Variants in DCDC2 observed in about 807,000 individuals in gnomAD.
The protein encoded by DCDC2 is doublecortin domain-containing protein 2.
A neutral mutation model predicts 50.2 loss-of-function variants in DCDC2; 40 were observed. The ratio of observed to expected loss-of-function variants is 0.80; its 90% CI spans 0.62 to 1.04. DCDC2 has a LOEUF of 1.04. Among genes scored for constraint, DCDC2 ranks in the 50% least tolerant of loss-of-function variants. DCDC2 has a pLI of 0.00. For missense variants in DCDC2, 570 were observed against 581.9 expected (o/e 0.98, Z 0.21); for synonymous variants, 234 against 210.6 (o/e 1.11, Z -0.96).
At chr6:24,193,629 T>C (rs1761357498) in intron 8 of DCDC2, among the ~76,000 whole-genome samples, 1 of 151,928 alleles carries the variant, frequency 6.6e-6, no homozygotes, top group Admixed American at 6.6e-5. Context: ...GTAACTAGAG[T>C]ACACCTAAAT....
chr6:24,266,473 A>G (rs1172526685), intron 7 of DCDC2, among the ~76,000 whole-genome samples: 1 of 152,226 alleles, frequency 6.6e-6, no homozygotes, highest in Non-Finnish European at 1.5e-5. Context: ...CTCAATAGGG[A>G]AAAAATCTAA....
At chr6:24,228,457 T>G (rs793839) in intron 7 of DCDC2, among the ~76,000 whole-genome samples, 73,639 of 152,144 alleles carry the variant, frequency 0.48, 20,506 homozygotes, top group Non-Finnish European at 0.6. Flanking sequence ...CTCTCTGAAA[T>G]GAAGCTTTTA....
chr6:24,239,011 T>TGTC (rs1762510571), intron 7 of DCDC2, among the ~76,000 whole-genome samples: 1 of 152,226 alleles, frequency 6.6e-6, no homozygotes, highest in Admixed American at 6.5e-5. Flanking sequence ...CTAACGATAT[T>TGTC]GTCATTCAGT....
intron 7 of DCDC2, among the ~76,000 whole-genome samples, chr6:24,216,590 C>G (rs73391997): frequency 0.023 from 3,470 of 152,286 alleles, 118 homozygotes; most frequent in African/African-American, 0.077. Context: ...GTCTTGTCAA[C>G]CTAATTCAGA....
intron 4 of DCDC2, among the ~76,000 whole-genome samples, chr6:24,291,664 T>G (rs930284992): frequency 1.3e-5 from 2 of 151,544 alleles, no homozygotes; most frequent in African/African-American, 4.8e-5. Flanking sequence ...TTTTTGTATT[T>G]TTAGTAGAGA....
intron 6 of DCDC2, among the ~76,000 whole-genome samples, chr6:24,284,879 A>G (rs1218258707): frequency 1.3e-5 from 2 of 152,054 alleles, no homozygotes; most frequent in Admixed American, 6.6e-5. Context: ...GCTGTGTTAG[A>G]TATCATTAAG....
At chr6:24,303,248 C>T (rs1238568954) in intron 2 of DCDC2, among the ~76,000 whole-genome samples, 1 of 152,058 alleles carries the variant, frequency 6.6e-6, no homozygotes, top group Non-Finnish European at 1.5e-5. Flanking sequence ...TGGTGTCCAC[C>T]TTTAATACTG....
intron 7 of DCDC2, 197 bp from the exon 8 acceptor site, chr6:24,205,299 TGG>T (rs1225914390): frequency 7.8e-6 from 12 of 1,545,492 alleles, no homozygotes; most frequent in Non-Finnish European, 1.0e-5. Flanking sequence ...AAACATTCAG[TGG>T]TCAAAACAAG....
At chr6:24,378,464 GA>G in the DCDC2 span, among the ~76,000 whole-genome samples, 2 of 152,058 alleles carry the variant, frequency 1.3e-5, no homozygotes, top group South Asian at 4.2e-4. Context: ...GTGAGAGTAT[GA>G]AAGCCCAGCA....
intron 7 of DCDC2, among the ~76,000 whole-genome samples, chr6:24,229,923 A>G (rs1289249944): frequency 1.3e-5 from 2 of 151,992 alleles, no homozygotes; most frequent in Non-Finnish European, 2.9e-5. Flanking sequence ...TGAGAGACCC[A>G]TGGTTTGGCC....
the DCDC2 span, among the ~76,000 whole-genome samples, chr6:24,366,351 A>C: frequency 6.6e-6 from 1 of 152,202 alleles, no homozygotes; most frequent in Non-Finnish European, 1.5e-5. Context: ...AAACATATAC[A>C]ATTTTATGTT....
chr6:24,348,867 G>A (rs1384152381), intron 2 of DCDC2, among the ~76,000 whole-genome samples: 4 of 151,956 alleles, frequency 2.6e-5, no homozygotes, highest in Admixed American at 1.3e-4. Context: ...CAAAGAGCAA[G>A]AGCAGTGAAG....
At chr6:24,264,954 A>G (rs537272116) in intron 7 of DCDC2, among the ~76,000 whole-genome samples, 2 of 152,244 alleles carry the variant, frequency 1.3e-5, no homozygotes, top group African/African-American at 4.8e-5. Context: ...GGAAACCATA[A>G]AAGAGCAAAA....
chr6:24,287,477 C>G (rs913138697), intron 6 of DCDC2, among the ~76,000 whole-genome samples: 1 of 152,180 alleles, frequency 6.6e-6, no homozygotes, highest in Non-Finnish European at 1.5e-5. Context: ...GTCACTTCTA[C>G]TCTGTGTACT....
chr6:24,315,916 T>C (rs1424029198), intron 2 of DCDC2, among the ~76,000 whole-genome samples: 3 of 152,144 alleles, frequency 2.0e-5, no homozygotes, highest in Non-Finnish European at 4.4e-5. Context: ...GAGATGGTGG[T>C]AGCTTTTCCT....
chr6:24,178,606 T>C lies in DCDC2; in HGVS notation c.1050A>G (p.Glu350=). 1 of 1,613,630 alleles carries C rather than the reference T, an allele frequency of 6.2e-7. No individual in the cohort carries two copies. The highest frequency in any genetic ancestry group is 1.7e-5 in the Admixed American group (1 of 60,002). The stretch of plus-strand genomic sequence containing the variant: ...CCTTGTTTGCCTTCTCTCCATCTTC[T>C]TCCTCGTCTACTATTTCTGCTGGCC... ...DQRPAEIVDE[E]EDGEKANKDA... is the part of the protein sequence containing the mutation. The change falls in exon 9 of 10, where the codon GAA becomes GAG. Residue 350 remains glutamate, a synonymous_variant. Coordinates refer to ENST00000378454, the MANE Select transcript of DCDC2 (RefSeq NM_016356.5).
At chr6:24,215,771 A>G (rs1392974496) in intron 7 of DCDC2, among the ~76,000 whole-genome samples, 1 of 152,180 alleles carries the variant, frequency 6.6e-6, no homozygotes, top group Non-Finnish European at 1.5e-5. Context: ...CTCCCGGCTG[A>G]GGGGGCGGCA....
chr6:24,375,877 G>T, the DCDC2 span, among the ~76,000 whole-genome samples: 1 of 152,082 alleles, frequency 6.6e-6, no homozygotes, highest in Non-Finnish European at 1.5e-5. Flanking sequence ...AGGCAGAGAA[G>T]GAGGGAGGGA....
intron 7 of DCDC2, among the ~76,000 whole-genome samples, chr6:24,220,848 C>T (rs973881507): frequency 1.1e-3 from 21 of 19,038 alleles, no homozygotes; most frequent in African/African-American, 7.4e-3. Flanking sequence ...TCTTACATGG[C>T]GGCAGGAGAG....
Sources: gnomAD v4.1 joint callset for allele counts (sites outside exome capture counted in the v4.1 genomes callset) on GRCh38, gnomAD v4.1.1 for gene constraint, MANE v1.5 for transcripts, NCBI Gene and HGNC (gene_info 2026-07-23, HGNC 2026-07-21) for gene names.